GALNTL6: variants seen among roughly 807,000 people sequenced by gnomAD.
GALNTL6 encodes polypeptide N-acetylgalactosaminyltransferase like 6, also known as polypeptide N-acetylgalactosaminyltransferase-like 6.
GALNTL6 carries 46 observed loss-of-function variants against 73.7 expected under a neutral mutation model. The ratio of observed to expected loss-of-function variants is 0.62; its 90% CI spans 0.49 to 0.80. The LOEUF is 0.80. Ranked by LOEUF, GALNTL6 falls within the 30% of genes least tolerant of loss-of-function variation. The pLI, the probability that GALNTL6 is intolerant of heterozygous loss-of-function variation, is 0.00. For synonymous variants in GALNTL6, 259 were observed against 263.7 expected (o/e 0.98, Z 0.17); for missense variants, 604 against 755.0 (o/e 0.80, Z 2.34).
chr4:172,079,047 A>G (rs930691655), intron 2 of GALNTL6, among the ~76,000 whole-genome samples: 8 of 152,130 alleles, frequency 5.3e-5, no homozygotes, highest in Non-Finnish European at 1.2e-4. Context: ...ATGCAAATAT[A>G]TAGCCATACA....
intron 2 of GALNTL6, among the ~76,000 whole-genome samples, chr4:172,128,864 G>T (rs1180994962): frequency 6.6e-6 from 1 of 152,230 alleles, no homozygotes; most frequent in Non-Finnish European, 1.5e-5. Flanking sequence ...CTCCTATGTG[G>T]CAGGGAAAGT....
At chr4:171,888,096 T>G (rs989376775) in intron 2 of GALNTL6, among the ~76,000 whole-genome samples, 1 of 152,136 alleles carries the variant, frequency 6.6e-6, no homozygotes, top group Non-Finnish European at 1.5e-5. Flanking sequence ...GCAATACTTA[T>G]TGCAGATTGT....
chr4:172,258,455 T>C (rs1025725969), intron 3 of GALNTL6, among the ~76,000 whole-genome samples: 1 of 151,298 alleles, frequency 6.6e-6, no homozygotes, highest in African/African-American at 2.4e-5. Flanking sequence ...GTGAGAATTA[T>C]GTTTTTCATT....
At chr4:172,443,459 C>A (rs1731913952) in intron 5 of GALNTL6, among the ~76,000 whole-genome samples, 1 of 151,814 alleles carries the variant, frequency 6.6e-6, no homozygotes, top group Non-Finnish European at 1.5e-5. Flanking sequence ...AGCCACTGCG[C>A]CCAGCTATGA....
intron 5 of GALNTL6, among the ~76,000 whole-genome samples, chr4:172,785,994 A>T (rs959200830): frequency 6.6e-6 from 1 of 152,210 alleles, no homozygotes; most frequent in Non-Finnish European, 1.5e-5. Flanking sequence ...GAATCATTTA[A>T]GGGAAACCTC....
At chr4:171,913,737 A>G (rs992836741) in intron 2 of GALNTL6, among the ~76,000 whole-genome samples, 1 of 152,208 alleles carries the variant, frequency 6.6e-6, no homozygotes, top group Admixed American at 6.5e-5. Flanking sequence ...GTCTTTTCAG[A>G]GAAATTAGGT....
At chr4:172,786,713 G>A (rs1405616530) in intron 5 of GALNTL6, among the ~76,000 whole-genome samples, 1 of 152,078 alleles carries the variant, frequency 6.6e-6, no homozygotes, top group Non-Finnish European at 1.5e-5. Flanking sequence ...GTATTCTGGA[G>A]GGGCACATTC....
rs1437632900 is a variant in GALNTL6, at chr4:172,805,641, G to A, written c.554-3720G>A. ...CTGCCTGGCTTATAAATAAAACCCC[G>A]TAAATTTCCTTGGTGTTATTTAAAA... On this transcript the variant is annotated intron_variant, in intron 5 of 12. Transcript: ENST00000506823. 3.9e-5 allele frequency among the ~76,000 whole-genome samples: 6 copies of A among 152,106 alleles called. No homozygotes were observed. In the East Asian group the frequency reaches 7.7e-4, roughly 20 times the overall value.
intron 5 of GALNTL6, among the ~76,000 whole-genome samples, chr4:172,804,172 G>A (rs1740821762): frequency 6.6e-6 from 1 of 152,140 alleles, no homozygotes; most frequent in Non-Finnish European, 1.5e-5. Context: ...ATATTCTTTA[G>A]TTGTAAAGTA....
At chr4:172,086,980 CAT>C (rs1028222920) in intron 2 of GALNTL6, among the ~76,000 whole-genome samples, 9 of 152,114 alleles carry the variant, frequency 5.9e-5, no homozygotes, top group African/African-American at 1.7e-4. Context: ...AAGATGTGCA[CAT>C]GAGAGTCCCT....
intron 8 of GALNTL6, among the ~76,000 whole-genome samples, chr4:172,890,068 C>A (rs1379646697): frequency 6.6e-6 from 1 of 151,974 alleles, no homozygotes; most frequent in Non-Finnish European, 1.5e-5. Flanking sequence ...TCTCTAAGGT[C>A]TTTTTTATGT....
intron 2 of GALNTL6, among the ~76,000 whole-genome samples, chr4:172,017,526 C>T (rs1741241496): frequency 6.6e-6 from 1 of 152,044 alleles, no homozygotes; most frequent in African/African-American, 2.4e-5. Context: ...AGAACAAGGT[C>T]CCCTTCTCCA....
chr4:172,017,733 T>C (rs921381397), intron 2 of GALNTL6, among the ~76,000 whole-genome samples: 1 of 152,066 alleles, frequency 6.6e-6, no homozygotes, highest in Admixed American at 6.6e-5. Flanking sequence ...CCTCTTCCCA[T>C]AGAGTTGGCA....
chr4:172,169,573 T>A (rs991617546), intron 2 of GALNTL6, among the ~76,000 whole-genome samples: 7 of 152,292 alleles, frequency 4.6e-5, no homozygotes, highest in African/African-American at 1.7e-4. Flanking sequence ...GGGTTTTTTT[T>A]AAAGGCCTTG....
chr4:172,123,456 A>G (rs1733207002), intron 2 of GALNTL6, among the ~76,000 whole-genome samples: 1 of 152,012 alleles, frequency 6.6e-6, no homozygotes, highest in South Asian at 2.1e-4. Context: ...AATTTGGAAA[A>G]TAAAACATTT....
In GALNTL6 at chr4:172,617,725, C is replaced by T. The variant is rs528022846; in HGVS notation, c.554-191636C>T. Reference sequence around the variant, plus strand: ...CTCAATCTCCTGACCTCATGATCTACCCGCCTCGGCCTCCCTAAGTACTGG... The same window carrying T: ...CTCAATCTCCTGACCTCATGATCTATCCGCCTCGGCCTCCCTAAGTACTGG... On this transcript the variant is annotated intron_variant, in intron 5 of 12. Transcript: ENST00000506823. Among the ~76,000 whole-genome samples, 7 of 152,256 alleles carry T rather than the reference C, an allele frequency of 4.6e-5. No individual in the cohort carries two copies. In the South Asian group the frequency reaches 1.4e-3, roughly 32 times the overall value.
chr4:171,896,268 A>G (rs115901215), intron 2 of GALNTL6, among the ~76,000 whole-genome samples: 2,165 of 152,340 alleles, frequency 0.014, 47 homozygotes, highest in African/African-American at 0.049. Context: ...TTAATACTGC[A>G]TATTACTGTT....
intron 5 of GALNTL6, among the ~76,000 whole-genome samples, chr4:172,411,381 G>A (rs891883597): frequency 3.3e-5 from 5 of 152,274 alleles, no homozygotes; most frequent in African/African-American, 1.2e-4. Context: ...ATCAGAGGAA[G>A]CTGGTAATGC....
At chr4:172,529,571 G>T (rs1285448431) in intron 5 of GALNTL6, among the ~76,000 whole-genome samples, 1 of 152,078 alleles carries the variant, frequency 6.6e-6, no homozygotes, top group African/African-American at 2.4e-5. Flanking sequence ...ATAAACACCT[G>T]TACCATAAGA....
Sources: gnomAD v4.1 joint callset for allele counts (sites outside exome capture counted in the v4.1 genomes callset) on GRCh38, gnomAD v4.1.1 for gene constraint, MANE v1.5 for transcripts, NCBI Gene and HGNC (gene_info 2026-07-23, HGNC 2026-07-21) for gene names.